CADPS: variants seen among roughly 807,000 people sequenced by gnomAD.
CADPS encodes the protein calcium dependent secretion activator.
CADPS carries 57 observed loss-of-function variants against 167.3 expected under a neutral mutation model. The observed-to-expected ratio is 0.34, with a 90% confidence interval of 0.28 to 0.42. CADPS has a LOEUF of 0.42. CADPS is among the 20% of genes least tolerant of loss of function. The probability of loss-of-function intolerance (pLI) is 1.00; values close to 1 mark genes in which losing one functional copy is unlikely to be tolerated. For missense variants in CADPS, 1,414 were observed against 1,738.1 expected (o/e 0.81, Z 3.32); for synonymous variants, 676 against 635.3 (o/e 1.06, Z -0.96).
In CADPS at chr3:62,808,962, T is replaced by G. The variant is rs148142441; in HGVS notation, c.442-42978A>C. Among the ~76,000 whole-genome samples the G allele has an allele frequency of 3.0e-3, 453 of 152,304 alleles. 3 individuals are homozygous for G. Among genetic ancestry groups the G allele is most frequent in the African/African-American group, 0.011 (438 of 41,576 alleles). On this transcript the variant is annotated intron_variant, in intron 1 of 29. Transcript: ENST00000383710. ...CTCAATAAACAATACCACCATGTAC[T>G]CAACTGCACAAACCAAAAATTGTAG...
At chr3:62,859,198 TGATTCTTACA>T (rs1470241745) in intron 1 of CADPS, among the ~76,000 whole-genome samples, 4 of 152,196 alleles carry the variant, frequency 2.6e-5, no homozygotes, top group Admixed American at 2.0e-4. Context: ...TCCTTTCCAG[TGATTCTTACA>T]CTATAATTTA....
chr3:62,860,195 G>C (rs2080507970), intron 1 of CADPS, among the ~76,000 whole-genome samples: 1 of 152,106 alleles, frequency 6.6e-6, no homozygotes, highest in Admixed American at 6.6e-5. Flanking sequence ...AATCCTATTT[G>C]TTCCTCAGCT....
At chr3:62,652,072 C>A (rs1159971886) in intron 4 of CADPS, among the ~76,000 whole-genome samples, 2 of 152,124 alleles carry the variant, frequency 1.3e-5, no homozygotes, top group African/African-American at 4.8e-5. Context: ...GGGGTGGCTT[C>A]ATGCTCAGTT....
At chr3:62,600,553 T>G (rs374230481) in intron 6 of CADPS, among the ~76,000 whole-genome samples, 4 of 152,206 alleles carry the variant, frequency 2.6e-5, no homozygotes, top group Non-Finnish European at 4.4e-5. Flanking sequence ...AAGCGCCATA[T>G]TGGCATCAGA....
intron 26 of CADPS, among the ~76,000 whole-genome samples, chr3:62,452,586 A>G (rs2058206873): frequency 2.0e-5 from 3 of 152,174 alleles, no homozygotes; most frequent in Non-Finnish European, 2.9e-5. Flanking sequence ...TAATTGGAGG[A>G]GGAAGCAGGA....
intron 8 of CADPS, among the ~76,000 whole-genome samples, chr3:62,575,876 G>T (rs1368348343): frequency 6.6e-6 from 1 of 152,190 alleles, no homozygotes; most frequent in Non-Finnish European, 1.5e-5. Flanking sequence ...GCTTGAGGGA[G>T]GGGCTTTCCC....
At chr3:62,538,013 T>C (rs1293650195) in intron 11 of CADPS, among the ~76,000 whole-genome samples, 1 of 152,156 alleles carries the variant, frequency 6.6e-6, no homozygotes, top group Non-Finnish European at 1.5e-5. Context: ...AGAAGGCAAG[T>C]TGAAGAATGT....
intron 6 of CADPS, among the ~76,000 whole-genome samples, chr3:62,599,771 A>T (rs1038377925): frequency 6.6e-4 from 1 of 1,504 alleles, no homozygotes; most frequent in Non-Finnish European, 2.5e-3. Context: ...TGTATATATA[A>T]TATATATATT....
chr3:62,723,803 T>G (rs530636553), intron 3 of CADPS, among the ~76,000 whole-genome samples: 3 of 152,206 alleles, frequency 2.0e-5, no homozygotes, highest in Non-Finnish European at 2.9e-5. Context: ...CGCTGACACT[T>G]TGCTGGCTTC....
chr3:62,402,591 C>T (rs761929298), intron 29 of CADPS, among the ~76,000 whole-genome samples: 1 of 152,172 alleles, frequency 6.6e-6, no homozygotes, highest in African/African-American at 2.4e-5. Flanking sequence ...ATTGTATACA[C>T]GCATTGTAAG....
chr3:62,727,982 T>G (rs1564384591), intron 3 of CADPS, among the ~76,000 whole-genome samples: 2 of 151,852 alleles, frequency 1.3e-5, no homozygotes, highest in African/African-American at 4.9e-5. Context: ...CTTATCAGAT[T>G]AGAAATGGCC....
chr3:62,793,274 T>C (rs304220), intron 1 of CADPS, among the ~76,000 whole-genome samples: 12,983 of 137,618 alleles, frequency 0.094, 791 homozygotes, highest in African/African-American at 0.25. Context: ...TCACTATTTA[T>C]TTAAAATATG....
At chr3:62,587,342 T>C (rs995680856) in intron 7 of CADPS, among the ~76,000 whole-genome samples, 2 of 152,220 alleles carry the variant, frequency 1.3e-5, no homozygotes, top group Non-Finnish European at 2.9e-5. Flanking sequence ...ACTGCTGGGT[T>C]GTGGAGACCT....
intron 3 of CADPS, among the ~76,000 whole-genome samples, chr3:62,662,978 G>A: frequency 6.8e-6 from 1 of 146,610 alleles, no homozygotes; most frequent in East Asian, 1.9e-4. Context: ...AGAACTATTT[G>A]GATATAAAGA....
Position 62,681,672 on chromosome 3 carries a change from C to G in CADPS, c.889-19278G>C, listed in dbSNP as rs567792580. 4.3e-4 allele frequency among the ~76,000 whole-genome samples: 65 copies of G among 152,108 alleles called. No homozygotes were observed. In the East Asian group the frequency reaches 0.01, roughly 24 times the overall value. ...TGGGCAAGATTTTTGTTGTTTGACA[C>G]GTCTACATGAACAAAAACCTACACT... On this transcript the variant is annotated intron_variant, in intron 3 of 29. Transcript: ENST00000383710.
chr3:62,462,404 G>T (rs2059457574), intron 26 of CADPS, among the ~76,000 whole-genome samples: 1 of 152,206 alleles, frequency 6.6e-6, no homozygotes, highest in Admixed American at 6.5e-5. Flanking sequence ...AAATATTCCT[G>T]CCTGCTCCGT....
intron 1 of CADPS, among the ~76,000 whole-genome samples, chr3:62,866,028 G>T (rs1275255204): frequency 6.6e-6 from 1 of 152,058 alleles, no homozygotes; most frequent in Non-Finnish European, 1.5e-5. Context: ...CACCCAATAT[G>T]AAAACTTATT....
At chr3:62,483,913 A>G (rs888601408) in intron 21 of CADPS, among the ~76,000 whole-genome samples, 4 of 152,232 alleles carry the variant, frequency 2.6e-5, no homozygotes, top group Non-Finnish European at 2.9e-5. Context: ...CAGCCCGGAA[A>G]GTTAAAATGT....
intron 7 of CADPS, among the ~76,000 whole-genome samples, chr3:62,589,998 G>A (rs557594975): frequency 6.6e-6 from 1 of 152,152 alleles, no homozygotes; most frequent in South Asian, 2.1e-4. Context: ...AGACCAGCCT[G>A]ACCAACATGG....
Sources: allele counts gnomAD v4.1 joint callset (sites outside exome capture counted in the v4.1 genomes callset), GRCh38; gene constraint gnomAD v4.1.1; transcripts MANE v1.5; gene names NCBI Gene and HGNC (gene_info 2026-07-23, HGNC 2026-07-21).